Variants in ZBTB7C observed in about 807,000 individuals in gnomAD.
The protein encoded by ZBTB7C is zinc finger and BTB domain-containing protein 7C.
A neutral mutation model predicts 25.7 loss-of-function variants in ZBTB7C; 8 were observed. That is an observed-to-expected ratio of 0.31 (90% CI 0.18 to 0.56). ZBTB7C has a LOEUF of 0.56. Ranked by LOEUF, ZBTB7C falls within the 20% of genes least tolerant of loss-of-function variation. The pLI, the probability that ZBTB7C is intolerant of heterozygous loss-of-function variation, is 0.91. For missense variants in ZBTB7C, 824 were observed against 855.2 expected, an observed-to-expected ratio of 0.96 and a Z score of 0.46; for synonymous variants, 394 against 369.0, an observed-to-expected ratio of 1.07 and a Z score of -0.78.
At chr18:48,371,033 G>A (rs1005009554) in intron 1 of ZBTB7C, among the ~76,000 whole-genome samples, 1 of 152,202 alleles carries the variant, frequency 6.6e-6, no homozygotes, top group African/African-American at 2.4e-5. Context: ...CTGAAAGTAA[G>A]TGTACAAAAG....
rs1316787929 is a variant in ZBTB7C, at chr18:48,029,667, C to A, written c.1453G>T (p.Ala485Ser). The A allele has an allele frequency of 6.4e-7, 1 of 1,564,120 alleles. No individual in the cohort carries two copies. The highest frequency in any genetic ancestry group is 2.4e-5 in the East Asian group (1 of 42,034). ...ARPRRGRKPA[A>S]WRAASLLFGP... is the part of the protein sequence containing the mutation. ...AAGAGCAGGCTGGCGGCCCTCCACG[C>A]AGCAGGCTTGCGGCCGCGTCGGGGC... The change falls in exon 5 of 5, where the codon GCG (alanine) becomes TCG (serine). Residue 485 changes from alanine (A) to serine (S), a missense_variant. Ala to Ser is a moderately conservative substitution (Grantham distance 99). Around this residue, in one of 4 missense-constraint regions of ZBTB7C, gnomAD observed 342 missense variants for 307.0 expected, o/e 1.11. Coordinates refer to ENST00000590800, the MANE Select transcript of ZBTB7C (RefSeq NM_001318841.2).
At chr18:48,049,118 A>G (rs1403751685) in intron 3 of ZBTB7C, among the ~76,000 whole-genome samples, 2 of 152,152 alleles carry the variant, frequency 1.3e-5, no homozygotes, top group Non-Finnish European at 2.9e-5. Context: ...AAAGATTCTC[A>G]ACCTCTTGCA....
At chr18:48,099,706 G>A (rs2038763153) in intron 3 of ZBTB7C, among the ~76,000 whole-genome samples, 1 of 152,186 alleles carries the variant, frequency 6.6e-6, no homozygotes, top group South Asian at 2.1e-4. Flanking sequence ...GGGTCAGGCG[G>A]TCCCAGCTGG....
At chr18:48,079,418 C>T (rs1346123066) in intron 3 of ZBTB7C, among the ~76,000 whole-genome samples, 1 of 152,248 alleles carries the variant, frequency 6.6e-6, no homozygotes, top group African/African-American at 2.4e-5. Context: ...GAGGCACCCA[C>T]TATCCCATCT....
At chr18:48,198,459 T>G (rs1177262966) in intron 2 of ZBTB7C, among the ~76,000 whole-genome samples, 1 of 152,200 alleles carries the variant, frequency 6.6e-6, no homozygotes, top group Non-Finnish European at 1.5e-5. Context: ...GGTCTCAGCG[T>G]GCTAAAACCA....
In ZBTB7C at chr18:48,175,136, T is replaced by C. The variant is rs181952230; in HGVS notation, c.-17+10798A>G. Among the ~76,000 whole-genome samples the C allele has an allele frequency of 2.6e-5, 4 of 152,088 alleles. No individual in the cohort carries two copies. In the East Asian group the frequency reaches 7.7e-4, roughly 29 times the overall value. On this transcript the variant is annotated intron_variant, in intron 3 of 4. Transcript: ENST00000590800. ...TAAGAATGAGAAGGAAAAAAATCCC[T>C]CAAACTGAAAAAAAAGGAACCTAAC...
chr18:48,169,294 C>A (rs1300387254), intron 3 of ZBTB7C, among the ~76,000 whole-genome samples: 1 of 152,180 alleles, frequency 6.6e-6, no homozygotes, highest in African/African-American at 2.4e-5. Flanking sequence ...ATTGTCCTTA[C>A]CACTCGATTG....
intron 2 of ZBTB7C, among the ~76,000 whole-genome samples, chr18:48,326,106 T>TTTC (rs2046213348): frequency 6.6e-6 from 1 of 150,498 alleles, no homozygotes; most frequent in Non-Finnish European, 1.5e-5. Flanking sequence ...TTTTTTTTTT[T>TTTC]TTTTTTTGAG....
chr18:48,346,230 T>C (rs72911558), intron 1 of ZBTB7C, among the ~76,000 whole-genome samples: 9,782 of 152,336 alleles, frequency 0.064, 359 homozygotes, highest in Non-Finnish European at 0.074. Flanking sequence ...CACAAAGCAC[T>C]TGAAGGGCTG....
chr18:48,313,662 C>G (rs1305843897), intron 2 of ZBTB7C, among the ~76,000 whole-genome samples: 2 of 152,146 alleles, frequency 1.3e-5, no homozygotes, highest in African/African-American at 4.8e-5. Context: ...TAACTGCAAT[C>G]TCCGGGGCAT....
chr18:48,233,187 T>C (rs1006228773), intron 2 of ZBTB7C, among the ~76,000 whole-genome samples: 2 of 151,478 alleles, frequency 1.3e-5, no homozygotes, highest in African/African-American at 4.9e-5. Flanking sequence ...ATTGTGGGAG[T>C]GGGTTTATTA....
chr18:48,186,560 G>T (rs187660601), intron 2 of ZBTB7C, among the ~76,000 whole-genome samples: 2 of 152,354 alleles, frequency 1.3e-5, no homozygotes, highest in East Asian at 3.9e-4. Flanking sequence ...GGCCAGGCAG[G>T]AACGTTCGGG....
chr18:48,341,489 G>A (rs939712119), intron 1 of ZBTB7C, among the ~76,000 whole-genome samples: 7 of 152,224 alleles, frequency 4.6e-5, no homozygotes, highest in African/African-American at 9.6e-5. Context: ...TGAGGAGAGC[G>A]GACAGGCTCC....
At chr18:48,233,108 G>A (rs1425231734) in intron 2 of ZBTB7C, among the ~76,000 whole-genome samples, 1 of 152,188 alleles carries the variant, frequency 6.6e-6, no homozygotes, top group African/African-American at 2.4e-5. Context: ...TGCAGCATTG[G>A]CAGGTGGGGT....
At chr18:48,277,634 G>T (rs1268163186) in intron 2 of ZBTB7C, among the ~76,000 whole-genome samples, 1 of 152,224 alleles carries the variant, frequency 6.6e-6, no homozygotes, top group Admixed American at 6.5e-5. Context: ...ATCATGAAGG[G>T]CAACCCCGGC....
At chr18:48,087,348 A>G (rs183065899) in intron 3 of ZBTB7C, among the ~76,000 whole-genome samples, 5 of 152,380 alleles carry the variant, frequency 3.3e-5, no homozygotes, top group Admixed American at 2.6e-4. Context: ...TTAAAACACA[A>G]TTCCTGCTGG....
chr18:48,323,873 A>G (rs1053636638), intron 2 of ZBTB7C, among the ~76,000 whole-genome samples: 4 of 152,276 alleles, frequency 2.6e-5, no homozygotes, highest in Middle Eastern at 3.4e-3. Context: ...GAATGTGTGT[A>G]TACTCCCAAA....
chr18:48,295,803 T>G (rs1390106423), intron 2 of ZBTB7C, among the ~76,000 whole-genome samples: 2 of 151,500 alleles, frequency 1.3e-5, no homozygotes, highest in Non-Finnish European at 1.5e-5. Flanking sequence ...TGGCTTCTCC[T>G]CCTCCCTCAG....
intron 1 of ZBTB7C, among the ~76,000 whole-genome samples, chr18:48,354,330 A>G (rs1005301641): frequency 6.6e-6 from 1 of 152,044 alleles, no homozygotes; most frequent in African/African-American, 2.4e-5. Context: ...CAGCTTTACA[A>G]ATAGGTTTCT....
Sources: allele counts gnomAD v4.1 joint callset (sites outside exome capture counted in the v4.1 genomes callset), GRCh38; gene constraint gnomAD v4.1.1; regional missense constraint gnomAD v4.1.1; transcripts MANE v1.5; gene names NCBI Gene and HGNC (gene_info 2026-07-23, HGNC 2026-07-21).